The following COL4A5 variants were observed in gnomAD, a reference collection of about 807,000 sequenced individuals.
COL4A5 encodes collagen alpha-5(IV) chain.
COL4A5 carries 26 observed loss-of-function variants against 130.2 expected under a neutral mutation model. The observed-to-expected ratio is 0.20, with a 90% CI of 0.15 to 0.28. The LOEUF is 0.28. COL4A5 is among the 10% of genes least tolerant of loss of function. The probability of loss-of-function intolerance (pLI) is 1.00; values close to 1 mark genes in which losing one functional copy is unlikely to be tolerated. For missense variants in COL4A5, 1,131 were observed against 1,344.3 expected, an observed-to-expected ratio of 0.84 and a Z score of 2.48; for synonymous variants, 496 against 439.6, an observed-to-expected ratio of 1.13 and a Z score of -1.60.
rs1488374832 is a variant in COL4A5 at position 108,487,930 on chromosome X, G to A, written c.81+47724G>A. ...GCCCCAAGGTGTTTTTTAGACAGGG[G>A]AAATTAGGTGTAATAATTTCCTCTG... On this transcript the variant is annotated intron_variant, in intron 1 of 52. Transcript: ENST00000328300. Among the ~76,000 whole-genome samples the A allele has an allele frequency of 3.6e-5, 4 of 112,314 alleles. No individual in the cohort carries two copies. In the Admixed American group the frequency reaches 3.8e-4, roughly 11 times the overall value.
intron 48 of COL4A5, 36 bp downstream of exon 48, chrX:108,686,165 A>G (rs949548868): frequency 1.5e-5 from 16 of 1,079,088 alleles, no homozygotes; most frequent in African/African-American, 9.2e-5. Context: ...GTGGAGGGAA[A>G]GTCTTTGAGT....
intron 36 of COL4A5, among the ~76,000 whole-genome samples, chrX:108,653,416 CAT>C (rs1435240945): frequency 9.1e-6 from 1 of 110,225 alleles, no homozygotes; most frequent in African/African-American, 3.3e-5. Context: ...CTAAGTGACT[CAT>C]AGACAGGTAG....
At chrX:108,545,833 T>G (rs902193078) in intron 2 of COL4A5, among the ~76,000 whole-genome samples, 1 of 111,640 alleles carries the variant, frequency 9.0e-6, no homozygotes, top group Non-Finnish European at 1.9e-5. Flanking sequence ...TAGCTCTTCT[T>G]GTTGAATTGA....
intron 36 of COL4A5, among the ~76,000 whole-genome samples, chrX:108,644,912 A>G (rs1346746519): frequency 2.1e-5 from 2 of 95,304 alleles, no homozygotes; most frequent in East Asian, 6.7e-4. Context: ...AACAACAACA[A>G]CAACAACAAA....
chrX:108,486,643 C>T (rs1480081048), intron 1 of COL4A5, among the ~76,000 whole-genome samples: 1 of 111,549 alleles, frequency 9.0e-6, no homozygotes, highest in Admixed American at 9.5e-5. Context: ...AGCTTAGCTC[C>T]CACTTATGAG....
chrX:108,627,618 T>A, intron 36 of COL4A5: 1 of 684,887 alleles, frequency 1.5e-6, no homozygotes, highest in South Asian at 7.5e-5. Context: ...TAAGTGCATT[T>A]AATTTTTTGG....
chrX:108,642,571 G>C (rs887848931), intron 36 of COL4A5, among the ~76,000 whole-genome samples: 3 of 111,074 alleles, frequency 2.7e-5, no homozygotes, highest in Non-Finnish European at 5.7e-5. Context: ...ACTTTGTGCA[G>C]ACAATTCTCA....
At chrX:108,586,576 C>G in intron 18 of COL4A5, 39 bp from the exon 19 acceptor site, 1 of 1,161,872 alleles carries the variant, frequency 8.6e-7, no homozygotes. Flanking sequence ...GGCTTTTCTT[C>G]TTTGCATTTC....
chrX:108,532,120 C>G (rs1027018013), intron 1 of COL4A5, among the ~76,000 whole-genome samples: 1 of 111,305 alleles, frequency 9.0e-6, no homozygotes, highest in African/African-American at 3.3e-5. Context: ...GAAAATCAGA[C>G]AAGGATTCAA....
At chrX:108,447,252 C>A (rs1048478780) in intron 1 of COL4A5, among the ~76,000 whole-genome samples, 1 of 111,709 alleles carries the variant, frequency 9.0e-6, no homozygotes, top group African/African-American at 3.3e-5. Flanking sequence ...AACTTCCCTT[C>A]ATTAATTCTT....
chrX:108,447,533 A>G (rs1307552357), intron 1 of COL4A5, among the ~76,000 whole-genome samples: 1 of 112,190 alleles, frequency 8.9e-6, no homozygotes, highest in African/African-American at 3.2e-5. Context: ...TCCAGGTGGC[A>G]TTTGAATAGC....
intron 43 of COL4A5, 21 bp downstream of exon 43, chrX:108,674,774 ATTC>A (rs2068273277): frequency 2.6e-6 from 3 of 1,136,076 alleles, no homozygotes; most frequent in Admixed American, 2.7e-5. Context: ...TCACTGGTCA[ATTC>A]TTTTTTTTTT....
At chrX:108,692,984 T>G in intron 50 of COL4A5, 59 bp downstream of exon 50, 1 of 1,149,092 alleles carries the variant, frequency 8.7e-7, no homozygotes, top group South Asian at 1.8e-5. Context: ...CTAGTCAGAT[T>G]TGAGTCCAAA....
rs2068743985 is a variant in COL4A5 at position 108,696,828 on chromosome X, T to C, written c.*450T>C. 8.5e-6 allele frequency: 1 copy of C among 117,846 alleles called. No individual in the cohort carries two copies. The highest frequency in any genetic ancestry group is 3.2e-5 in the African/African-American group (1 of 30,804). 9.7% of individuals were successfully genotyped at this position (117,846 alleles called of 1,213,427 possible). A position where few individuals can be genotyped will look rare whatever the true frequency, so the allele number is the denominator to read the frequency against. The stretch of plus-strand genomic sequence containing the variant: ...TAAAGGTGTTAAGCTTATTTTGCTT[T>C]GTAAGTAAAGAATGTGTATATTGTG... On this transcript the variant is annotated 3_prime_UTR_variant, in exon 53 of 53. Coordinates refer to ENST00000328300, the MANE Select transcript of COL4A5 (RefSeq NM_033380.3).
At chrX:108,645,560 A>G (rs1179444290) in intron 36 of COL4A5, among the ~76,000 whole-genome samples, 9 of 107,930 alleles carry the variant, frequency 8.3e-5, no homozygotes, top group Non-Finnish European at 1.7e-4. Flanking sequence ...TCTAGCTCCC[A>G]GATCTTGGTT....
chrX:108,568,415 T>A (rs893530996), intron 4 of COL4A5, among the ~76,000 whole-genome samples: 1 of 111,876 alleles, frequency 8.9e-6, no homozygotes, highest in Non-Finnish European at 1.9e-5. Context: ...CTCCCTCAAA[T>A]TGAAGTTTCT....
intron 1 of COL4A5, among the ~76,000 whole-genome samples, chrX:108,526,486 CCTTTCTTT>C (rs760502141): frequency 1.8e-5 from 2 of 109,255 alleles, no homozygotes; most frequent in Non-Finnish European, 3.8e-5. Context: ...TTTCTTTCTT[CCTTTCTTT>C]CTTTCTCTTT....
intron 37 of COL4A5, among the ~76,000 whole-genome samples, chrX:108,661,695 T>A (rs1215383092): frequency 1.8e-5 from 2 of 111,302 alleles, no homozygotes; most frequent in Non-Finnish European, 3.8e-5. Flanking sequence ...TTCTGGATTC[T>A]ATTAAATTTC....
intron 42 of COL4A5, among the ~76,000 whole-genome samples, chrX:108,673,724 T>TATA (rs913708925): frequency 9.3e-6 from 1 of 107,483 alleles, no homozygotes; most frequent in African/African-American, 3.4e-5. Context: ...TTGCAAGTAC[T>TATA]ATAATAATAA....
Sources: allele counts gnomAD v4.1 joint callset (sites outside exome capture counted in the v4.1 genomes callset), GRCh38; gene constraint gnomAD v4.1.1; transcripts MANE v1.5; gene names NCBI Gene and HGNC (gene_info 2026-07-23, HGNC 2026-07-21).